Variants in KY observed in about 807,000 individuals in gnomAD.
KY encodes kyphoscoliosis peptidase.
A neutral mutation model predicts 76.1 loss-of-function variants in KY; 43 were observed. The ratio of observed to expected loss-of-function variants is 0.57; its 90% CI spans 0.44 to 0.73. KY has a LOEUF of 0.73. Ranked by LOEUF, KY falls within the 30% of genes least tolerant of loss-of-function variation. KY has a pLI of 0.00. For synonymous variants in KY, 277 were observed against 326.2 expected (o/e 0.85, Z 1.63); for missense variants, 722 against 828.9 (o/e 0.87, Z 1.58).
Position 134,624,985 on chromosome 3 carries a change from G to T in KY, c.483+68C>A, listed in dbSNP as rs559786176. The T allele has an allele frequency of 3.7e-6, 5 of 1,355,314 alleles. No individual in the cohort carries two copies. The East Asian group carries it at 1.2e-4, about 34-fold the overall frequency. The allele number at this position is 1,355,314 out of a possible 1,614,324, so 84.0% of individuals were successfully genotyped here. On this transcript the variant is annotated intron_variant, in intron 6 of 10. Transcript: ENST00000423778. ...TATGTTCAGGAGGTGTCTGGGGAGA[G>T]GTTTTGCTGCCCTAGAACTCTAAGC...
In KY at chr3:134,610,308, C is replaced by T. The variant is rs374750857; in HGVS notation, c.786G>A (p.Ser262=). ...GFGYQTGQSF[S]GEFDHAWNAV... Reference sequence around the variant, plus strand: ...CATTCCAGGCATGGTCAAACTCCCCCGAGAAGCTCTGCCCTGTCTGGTAGC... The same window carrying T: ...CATTCCAGGCATGGTCAAACTCCCCTGAGAAGCTCTGCCCTGTCTGGTAGC... Residue 262 remains serine (S), a synonymous_variant, in exon 9 of 11, where the codon TCG becomes TCA. Coordinates refer to ENST00000423778, the MANE Select transcript of KY (RefSeq NM_178554.6). The T allele has an allele frequency of 4.0e-5, 65 of 1,613,770 alleles. No individual in the cohort carries two copies. Among genetic ancestry groups the T allele is most frequent in the African/African-American group, 3.9e-4 (29 of 74,910 alleles).
At chr3:134,637,429 C>T (rs553453332) in intron 3 of KY, among the ~76,000 whole-genome samples, 8 of 152,268 alleles carry the variant, frequency 5.3e-5, no homozygotes, top group African/African-American at 1.9e-4. Context: ...AATTGAGAAA[C>T]ATGTTCACTC....
chr3:134,603,591 C>T lies in KY; in HGVS notation c.1974G>A (p.Val658=). The T allele has an allele frequency of 1.3e-6, 2 of 1,581,048 alleles. No individual in the cohort carries two copies. The highest frequency in any genetic ancestry group is 1.7e-6 in the Non-Finnish European group (2 of 1,159,254). Residue 658 remains valine, a synonymous_variant, in exon 11 of 11, where the codon GTG becomes GTA. Coordinates refer to ENST00000423778, the MANE Select transcript of KY (RefSeq NM_178554.6). The part of the protein sequence containing the change: ...NFYSYILKYK[V]NAQ ...CGGGGCACAGCCCTCACTGGGCATT[C>T]ACTTTGTATTTCAGGATGTAGGAGT...
intron 6 of KY, 45 bp from the exon 7 acceptor site, chr3:134,620,902 G>A (rs1392858386): frequency 4.3e-6 from 5 of 1,172,708 alleles, no homozygotes; most frequent in Non-Finnish European, 6.3e-6. Context: ...TCGAGGAGGG[G>A]CTGTTGGGGG....
Position 134,601,792 on chromosome 3 carries a change from G to C in KY, c.*1787C>G, listed in dbSNP as rs1958979678. Among the ~76,000 whole-genome samples the C allele has an allele frequency of 6.6e-6, 1 of 152,192 alleles. No individual in the cohort carries two copies. Among genetic ancestry groups the C allele is most frequent in the Admixed American group, 6.5e-5 (1 of 15,282 alleles). ...TGAGCTGGTTCTGGGCTAGGCCACC[G>C]TGCTGGGTGGCAGTGGGGACTTTTA... On this transcript the variant is annotated 3_prime_UTR_variant, in exon 11 of 11. Coordinates refer to ENST00000423778, the MANE Select transcript of KY (RefSeq NM_178554.6).
chr3:134,627,480 G>C (rs7642559), intron 5 of KY, among the ~76,000 whole-genome samples: 11 of 152,102 alleles, frequency 7.2e-5, no homozygotes, highest in Non-Finnish European at 1.2e-4. Flanking sequence ...CCTGAATTAC[G>C]ATTTTAATAT....
chr3:134,612,407 T>G (rs1960648819), intron 8 of KY, among the ~76,000 whole-genome samples: 1 of 152,098 alleles, frequency 6.6e-6, no homozygotes, highest in South Asian at 2.1e-4. Context: ...TGGAGTGCTC[T>G]CTCCTCATTT....
rs12494538 is a variant in KY, at chr3:134,619,640, T to C, written c.593-375A>G. On this transcript the variant is annotated intron_variant, in intron 7 of 10. Coordinates refer to ENST00000423778, the MANE Select transcript of KY (RefSeq NM_178554.6). ...AGCCCGAAGGCCTCATGCTGACCCA[T>C]GGGGCACACAGAGCTCGTCTCCAAG... is the stretch of plus-strand genomic sequence containing the variant. Among the ~76,000 whole-genome samples the C allele has an allele frequency of 7.1e-3, 1,085 of 152,280 alleles. 50 individuals carry two copies. In the East Asian group the frequency reaches 0.12, roughly 17 times the overall value.
intron 8 of KY, among the ~76,000 whole-genome samples, chr3:134,616,906 C>T (rs1219682345): frequency 1.3e-5 from 2 of 152,200 alleles, no homozygotes; most frequent in Admixed American, 1.3e-4. Context: ...AGTCCTATAG[C>T]CCTGCCAGGT....
chr3:134,608,936 G>A, intron 9 of KY, 97 bp from the exon 10 acceptor site: 2 of 1,385,034 alleles, frequency 1.4e-6, no homozygotes, highest in Non-Finnish European at 9.7e-7. Context: ...CCCTGGATGG[G>A]AAGAGGCACC....
intron 6 of KY, among the ~76,000 whole-genome samples, chr3:134,621,271 T>A (rs1286683189): frequency 6.6e-6 from 1 of 152,164 alleles, no homozygotes; most frequent in Non-Finnish European, 1.5e-5. Flanking sequence ...CAAAACAATT[T>A]TGAAAAAAGA....
At chr3:134,640,409 T>C (rs1227635510) in intron 3 of KY, among the ~76,000 whole-genome samples, 1 of 152,046 alleles carries the variant, frequency 6.6e-6, no homozygotes, top group Non-Finnish European at 1.5e-5. Context: ...ATCTGTAAAA[T>C]GAGGATGATA....
In KY at chr3:134,604,257, A is replaced by AT. The variant is rs1482088737; in HGVS notation, c.1307dup (p.Asn436LysfsTer12). On this transcript the variant is annotated frameshift_variant, in exon 11 of 11. Transcript: ENST00000423778. LOFTEE classifies it high-confidence loss of function. ...GCAGCTGGACACCCATGTCCACATA[A>AT]TTGCACTTGAGCGTGTACTCCAGCA... The AT allele has an allele frequency of 6.2e-7, 1 of 1,613,908 alleles. No individual in the cohort carries two copies. The highest frequency in any genetic ancestry group is 1.7e-5 in the Admixed American group (1 of 60,012).
chr3:134,639,475 G>A (rs1444411487), intron 3 of KY, among the ~76,000 whole-genome samples: 1 of 152,206 alleles, frequency 6.6e-6, no homozygotes, highest in Non-Finnish European at 1.5e-5. Flanking sequence ...GAAAACAAAG[G>A]ACCATTCATG....
chr3:134,603,772 T>C lies in KY; in HGVS notation c.1793A>G (p.Lys598Arg), dbSNP rs1341647768. ...VLPANRNVPFKLKLHGIAKVL... is the reference protein window; with the variant it reads ...VLPANRNVPFRLKLHGIAKVL... ...TTTGGCAATACCATGCAGCTTCAAT[T>C]TGAATGGGACATTCCGGTTGGCAGG... The change falls in exon 11 of 11, where the codon AAA (lysine) becomes AGA (arginine). Residue 598 changes from lysine (K) to arginine (R), a missense_variant. By Grantham distance (26) the Lys-to-Arg change is conservative. Transcript: ENST00000423778. 1.9e-6 allele frequency: 3 copies of C among 1,612,530 alleles called. No individual in the cohort carries two copies. Among genetic ancestry groups the C allele is most frequent in the Admixed American group, 1.7e-5 (1 of 59,918 alleles).
In KY at chr3:134,603,488, G is replaced by C; in HGVS notation, c.*91C>G. ...CTAGAAGGGATTTCATGCAGACTCA[G>C]TGGTGTCCAGGGCTCCCTGCACTTC... On this transcript the variant is annotated 3_prime_UTR_variant, in exon 11 of 11. Transcript: ENST00000423778. 3 of 1,145,744 alleles carry C rather than the reference G, an allele frequency of 2.6e-6. No homozygotes were observed. Among genetic ancestry groups the C allele is most frequent in the Non-Finnish European group, 2.5e-6 (2 of 805,678 alleles). 71.0% of individuals were successfully genotyped at this position (1,145,744 alleles called of 1,614,324 possible). A position where few individuals can be genotyped will look rare whatever the true frequency, so the allele number is the denominator to read the frequency against.
chr3:134,623,912 C>A lies in KY; in HGVS notation c.483+1141G>T, dbSNP rs1963051573. ...CTCCAGGCCCTATGGGCTTCCTCCA[C>A]CCCTGCAATATGATGCCCGTCCTAT... On this transcript the variant is annotated intron_variant, in intron 6 of 10. Coordinates refer to ENST00000423778, the MANE Select transcript of KY (RefSeq NM_178554.6). Among the ~76,000 whole-genome samples the A allele has an allele frequency of 2.0e-5, 3 of 152,262 alleles. No individual in the cohort carries two copies. The South Asian group carries it at 6.2e-4, about 32-fold the overall frequency.
At position 134,600,311 on chromosome 3, in the gene KY, A is replaced by G. The variant is rs1273312155; in HGVS notation, c.*3268T>C. 6.6e-6 allele frequency among the ~76,000 whole-genome samples: 1 copy of G among 152,220 alleles called. No homozygotes were observed. Among genetic ancestry groups the G allele is most frequent in the African/African-American group, 2.4e-5 (1 of 41,462 alleles). On this transcript the variant is annotated 3_prime_UTR_variant, in exon 11 of 11. Coordinates refer to ENST00000423778, the MANE Select transcript of KY (RefSeq NM_178554.6). ...TTTTCTCCTTTTCAAGTCCTTTGAG[A>G]AGAGGATTTCACAAACTTTCTTGGC...
chr3:134,608,810 G>T lies in KY; in HGVS notation c.929C>A (p.Pro310His). Residue 310 changes from proline to histidine, a missense_variant, in exon 10 of 11, where the codon CCT (proline) becomes CAT (histidine). Transcript: ENST00000423778. The part of the protein sequence containing the change: ...LYNEFYFLTH[P>H]ALFIEDHFPD... ...GAAGTGGTCCTCGATGAACAGTGCA[G>T]GGTGGGTGAGGAAGTAGAACTCATT... is the stretch of plus-strand genomic sequence containing the variant. 1 of 1,612,894 alleles carries T rather than the reference G, an allele frequency of 6.2e-7. No homozygotes were observed.
Sources: allele counts gnomAD v4.1 joint callset (sites outside exome capture counted in the v4.1 genomes callset), GRCh38; gene constraint gnomAD v4.1.1; transcripts MANE v1.5; gene names NCBI Gene and HGNC (gene_info 2026-07-23, HGNC 2026-07-21).